The following CTNNA3 variants were observed in gnomAD, a reference collection of about 807,000 sequenced individuals.
The protein encoded by CTNNA3 is catenin alpha 3, also known as catenin alpha-3.
In CTNNA3, 76 loss-of-function variants were observed where a neutral mutation model predicts 95.7. The ratio of observed to expected loss-of-function variants is 0.79; its 90% CI spans 0.66 to 0.96. The LOEUF is 0.96. CTNNA3 is among the 40% of genes least tolerant of loss of function. The probability of loss-of-function intolerance (pLI) is 0.00; values close to 1 mark genes in which losing one functional copy is unlikely to be tolerated. For synonymous variants in CTNNA3, 431 were observed against 374.4 expected (o/e 1.15, Z -1.74); for missense variants, 1,191 against 1,089.8 (o/e 1.09, Z -1.31).
At chr10:66,750,021 A>G (rs189074877) in intron 9 of CTNNA3, among the ~76,000 whole-genome samples, 103 of 152,264 alleles carry the variant, frequency 6.8e-4, no homozygotes, top group African/African-American at 2.4e-3. Flanking sequence ...TTCTTTGGTT[A>G]GAGATTTGTT....
chr10:66,125,572 A>G (rs2082783607), intron 13 of CTNNA3, among the ~76,000 whole-genome samples: 1 of 152,222 alleles, frequency 6.6e-6, no homozygotes, highest in Non-Finnish European at 1.5e-5. Flanking sequence ...ATTCATAGAA[A>G]ACAGAAATAC....
At chr10:67,599,655 A>T (rs1373306121) in intron 3 of CTNNA3, among the ~76,000 whole-genome samples, 2 of 152,224 alleles carry the variant, frequency 1.3e-5, no homozygotes, top group Non-Finnish European at 2.9e-5. Context: ...ATTAAATGTT[A>T]TAAAGTACCA....
intron 15 of CTNNA3, among the ~76,000 whole-genome samples, chr10:66,053,479 T>C (rs770109498): frequency 6.6e-6 from 1 of 152,066 alleles, no homozygotes; most frequent in Non-Finnish European, 1.5e-5. Context: ...GGGGTATCCA[T>C]CCTTTGAGTT....
chr10:67,611,267 T>C (rs1319444450), intron 2 of CTNNA3, among the ~76,000 whole-genome samples: 1 of 152,152 alleles, frequency 6.6e-6, no homozygotes, highest in East Asian at 1.9e-4. Flanking sequence ...TCAACTGTCA[T>C]TATATAGAGC....
At chr10:66,946,444 C>T (rs902755110) in intron 7 of CTNNA3, among the ~76,000 whole-genome samples, 10 of 152,180 alleles carry the variant, frequency 6.6e-5, no homozygotes, top group South Asian at 2.1e-4. Context: ...GGTCAATGTA[C>T]AGCTTGATGA....
intron 7 of CTNNA3, among the ~76,000 whole-genome samples, chr10:66,967,947 CT>C (rs1849526841): frequency 6.6e-6 from 1 of 152,052 alleles, no homozygotes. Context: ...TTTAGGAATG[CT>C]TTTTGATGAA....
At chr10:66,095,196 G>A (rs755240727) in intron 14 of CTNNA3, among the ~76,000 whole-genome samples, 1 of 152,230 alleles carries the variant, frequency 6.6e-6, no homozygotes, top group East Asian at 1.9e-4. Context: ...TCTAAGAAAA[G>A]TAGGAAGAGC....
intron 7 of CTNNA3, among the ~76,000 whole-genome samples, chr10:67,162,842 A>T (rs549395696): frequency 2.0e-5 from 3 of 152,004 alleles, no homozygotes; most frequent in Non-Finnish European, 2.9e-5. Flanking sequence ...AAGCACAATA[A>T]GGGATTATAC....
intron 7 of CTNNA3, among the ~76,000 whole-genome samples, chr10:66,946,722 C>T (rs922252910): frequency 1.3e-5 from 2 of 152,082 alleles, no homozygotes; most frequent in African/African-American, 4.8e-5. Context: ...AGTTGTAGAA[C>T]TACATATTTC....
chr10:67,386,774 AGTGT>A (rs1844185389), intron 5 of CTNNA3, among the ~76,000 whole-genome samples: 1 of 152,216 alleles, frequency 6.6e-6, no homozygotes, highest in African/African-American at 2.4e-5. Flanking sequence ...GGTAGGAAAT[AGTGT>A]CTGTCACTTA....
intron 5 of CTNNA3, among the ~76,000 whole-genome samples, chr10:67,263,926 TG>T (rs1564520975): frequency 6.6e-6 from 1 of 152,028 alleles, no homozygotes; most frequent in Non-Finnish European, 1.5e-5. Flanking sequence ...CTACTGGAAC[TG>T]AATTGTAATA....
chr10:67,364,856 T>C (rs546960928), intron 5 of CTNNA3, among the ~76,000 whole-genome samples: 1 of 152,078 alleles, frequency 6.6e-6, no homozygotes, highest in Non-Finnish European at 1.5e-5. Flanking sequence ...ACTTTCTTCA[T>C]AGAATTGGAA....
intron 6 of CTNNA3, 119 bp downstream of exon 6, chr10:67,219,488 T>G: frequency 8.9e-7 from 1 of 1,127,562 alleles, no homozygotes; most frequent in Non-Finnish European, 1.2e-6. Flanking sequence ...TGATAGAGAC[T>G]AATCTGGATT....
intron 1 of CTNNA3, among the ~76,000 whole-genome samples, chr10:67,649,020 G>A (rs1362129627): frequency 6.6e-6 from 1 of 152,176 alleles, no homozygotes; most frequent in Non-Finnish European, 1.5e-5. Flanking sequence ...TGACCTTTCT[G>A]CATAGCCCAG....
At chr10:66,262,206 G>T (rs1367647445) in intron 13 of CTNNA3, among the ~76,000 whole-genome samples, 1 of 151,954 alleles carries the variant, frequency 6.6e-6, no homozygotes, top group Non-Finnish European at 1.5e-5. Context: ...AGGCCTCAAA[G>T]CCCTCCAAGG....
At chr10:66,812,898 G>T (rs1841937517) in intron 7 of CTNNA3, among the ~76,000 whole-genome samples, 1 of 152,082 alleles carries the variant, frequency 6.6e-6, no homozygotes, top group Non-Finnish European at 1.5e-5. Flanking sequence ...TCAATCATCA[G>T]TTGTACATAT....
At chr10:66,007,763 TCC>T (rs2078923504) in intron 15 of CTNNA3, among the ~76,000 whole-genome samples, 1 of 83,950 alleles carries the variant, frequency 1.2e-5, no homozygotes, top group African/African-American at 4.8e-5. Flanking sequence ...CCTCCCTCCC[TCC>T]CTCTCTTCCT....
At chr10:66,983,529 C>A (rs540439291) in intron 7 of CTNNA3, among the ~76,000 whole-genome samples, 40 of 152,252 alleles carry the variant, frequency 2.6e-4, no homozygotes, top group Middle Eastern at 6.8e-3. Context: ...GTAGCCACTG[C>A]CATTTTCTTC....
chr10:67,735,424 G>A (rs1841297492), intron 1 of CTNNA3, among the ~76,000 whole-genome samples: 1 of 151,676 alleles, frequency 6.6e-6, no homozygotes, highest in African/African-American at 2.4e-5. Flanking sequence ...ATGACAGAAC[G>A]GATATAATAT....
Sources: allele counts gnomAD v4.1 joint callset (sites outside exome capture counted in the v4.1 genomes callset), GRCh38; gene constraint gnomAD v4.1.1; transcripts MANE v1.5; gene names NCBI Gene and HGNC (gene_info 2026-07-23, HGNC 2026-07-21).